Variants in DCPS observed in about 807,000 individuals in gnomAD.
DCPS encodes the protein decapping enzyme, scavenger.
DCPS carries 27 observed loss-of-function variants against 34.7 expected under a neutral mutation model. The ratio of observed to expected loss-of-function variants is 0.78; its 90% CI spans 0.57 to 1.07. The LOEUF (loss-of-function observed/expected upper bound fraction) is 1.07. Among genes scored for constraint, DCPS ranks in the 50% least tolerant of loss-of-function variants. DCPS has a pLI of 0.00. For synonymous variants in DCPS, 185 were observed against 185.7 expected, an observed-to-expected ratio of 1.00 and a Z score of 0.03; for missense variants, 464 against 436.9, an observed-to-expected ratio of 1.06 and a Z score of -0.55.
In DCPS at chr11:126,335,038, C is replaced by T. The variant is rs1177083139; in HGVS notation, c.523-3248C>T. ...TATATCATGTGCCTGCTATTGTTTC[C>T]AGCACAGAATGATGCCAGGATGGCA... On this transcript the variant is annotated intron_variant, in intron 3 of 5. Transcript: ENST00000263579. The surrounding 1 kb of genome is among the most constrained non-coding windows in gnomAD (Gnocchi z 4.8). Among the ~76,000 whole-genome samples the T allele has an allele frequency of 1.3e-5, 2 of 152,204 alleles. No homozygotes were observed. The highest frequency in any genetic ancestry group is 2.9e-5 in the Non-Finnish European group (2 of 68,044).
Position 126,347,613 on chromosome 11 carries a change from CAG to C in DCPS, c.*2004_*2005del, listed in dbSNP as rs560063146. Among the ~76,000 whole-genome samples the C allele has an allele frequency of 1.3e-5, 2 of 152,362 alleles. No individual in the cohort carries two copies. Among genetic ancestry groups the C allele is most frequent in the African/African-American group, 2.4e-5 (1 of 41,592 alleles). Reference sequence around the variant, plus strand: ...TAGTGACCAATGCAGGGAGGTCTGACAGAGAATCAGCAGGATCCATTTCATGG... The same window carrying C: ...TAGTGACCAATGCAGGGAGGTCTGACAGAATCAGCAGGATCCATTTCATGG... On this transcript the variant is annotated 3_prime_UTR_variant, in exon 6 of 6. Transcript: ENST00000263579. This position sits in a 1 kb window ranked among gnomAD's most constrained non-coding sequence, Gnocchi z 4.2.
rs1951688861 is a variant in DCPS at position 126,319,627 on chromosome 11, AT to A, written c.377-11774del. ...TGGACCTCACTTGCTCTGGCACCTC[AT>A]TTTGCCCTCTGGTTTCGCTGACAGC... is the stretch of plus-strand genomic sequence containing the variant. On this transcript the variant is annotated intron_variant, in intron 2 of 5. Coordinates refer to ENST00000263579, the MANE Select transcript of DCPS (RefSeq NM_014026.6). This position sits in a 1 kb window ranked among gnomAD's most constrained non-coding sequence, Gnocchi z 4.5. 6.6e-6 allele frequency among the ~76,000 whole-genome samples: 1 copy of A among 151,900 alleles called. No homozygotes were observed. Among genetic ancestry groups the A allele is most frequent in the African/African-American group, 2.4e-5 (1 of 41,378 alleles).
In DCPS at chr11:126,313,862, G is replaced by A. The variant is rs1010355747; in HGVS notation, c.376+7118G>A. ...ACATATTTTATATACATACACACCT[G>A]TGTTTTATATGTATAATGTATTTCC... On this transcript the variant is annotated intron_variant, in intron 2 of 5. Coordinates refer to ENST00000263579, the MANE Select transcript of DCPS (RefSeq NM_014026.6). The surrounding 1 kb of genome is among the most constrained non-coding windows in gnomAD (Gnocchi z 4.9). 2.0e-5 allele frequency among the ~76,000 whole-genome samples: 3 copies of A among 152,142 alleles called. No individual in the cohort carries two copies. The highest frequency in any genetic ancestry group is 4.8e-5 in the African/African-American group (2 of 41,432).
At chr11:126,306,428 GC>G (rs1951566403) in intron 1 of DCPS, 141 bp from the exon 2 acceptor site, 1 of 879,124 alleles carries the variant, frequency 1.1e-6, no homozygotes, top group African/African-American at 1.7e-5. Flanking sequence ...AGTGCCATTG[GC>G]TAGACTTCCC....
chr11:126,321,818 T>C (rs113185940), intron 2 of DCPS, among the ~76,000 whole-genome samples: 46 of 152,176 alleles, frequency 3.0e-4, no homozygotes, highest in African/African-American at 1.1e-3. Context: ...ATAAGGAATT[T>C]TATTAAAGCT....
Position 126,345,998 on chromosome 11 carries a change from C to T in DCPS, c.*385C>T, listed in dbSNP as rs1342546441. Among the ~76,000 whole-genome samples, 1 of 152,150 alleles carries T rather than the reference C, an allele frequency of 6.6e-6. No homozygotes were observed. The highest frequency in any genetic ancestry group is 6.5e-5 in the Admixed American group (1 of 15,276). On this transcript the variant is annotated 3_prime_UTR_variant, in exon 6 of 6. Transcript: ENST00000263579. This position sits in a 1 kb window ranked among gnomAD's most constrained non-coding sequence, Gnocchi z 7.4. Reference sequence around the variant, plus strand: ...AACTTCTTATTCTGCTCCTCCCCATCACCCCTCCTCCTTCCCCTGCCATCC... The same window carrying T: ...AACTTCTTATTCTGCTCCTCCCCATTACCCCTCCTCCTTCCCCTGCCATCC...
rs756132248 is a variant in DCPS at position 126,304,080 on chromosome 11, C to T, written c.-1C>T. 3.8e-6 allele frequency: 6 copies of T among 1,594,258 alleles called. No individual in the cohort carries two copies. The highest frequency in any genetic ancestry group is 1.8e-5 in the Admixed American group (1 of 56,770). On this transcript the variant is annotated 5_prime_UTR_variant, in exon 1 of 6. Transcript: ENST00000263579. The stretch of plus-strand genomic sequence containing the variant: ...CAGGCGCACACCGCCTCCGCGGCAG[C>T]ATGGCGGACGCAGCTCCTCAACTAG...
At chr11:126,310,511 G>A (rs993932682) in intron 2 of DCPS, among the ~76,000 whole-genome samples, 2 of 152,246 alleles carry the variant, frequency 1.3e-5, no homozygotes, top group African/African-American at 4.8e-5. Flanking sequence ...GGTGAAAAGA[G>A]GAGAGTTTGG....
In DCPS at chr11:126,338,208, T is replaced by A; in HGVS notation, c.523-78T>A. The A allele has an allele frequency of 7.3e-7, 1 of 1,363,996 alleles. No homozygotes were observed. The highest frequency in any genetic ancestry group is 1.0e-6 in the Non-Finnish European group (1 of 964,020). The allele number at this position is 1,363,996 out of a possible 1,614,324, so 84.5% of individuals were successfully genotyped here. A position where few individuals can be genotyped will look rare whatever the true frequency, so the allele number is the denominator to read the frequency against. ...TCTGTCTCCTGGAGAGGCCAGGGAA[T>A]GCCCTGAGCTCAGTTTGGGGTATCT... On this transcript the variant is annotated intron_variant, in intron 3 of 5. Transcript: ENST00000263579. The surrounding 1 kb of genome is among the most constrained non-coding windows in gnomAD (Gnocchi z 5.4).
chr11:126,309,024 C>CCTTTTT (rs1457988895), intron 2 of DCPS, among the ~76,000 whole-genome samples: 2 of 138,404 alleles, frequency 1.4e-5, no homozygotes, highest in Non-Finnish European at 3.1e-5. Flanking sequence ...TTTCCTGCCC[C>CCTTTTT]TTTTTTTTTT....
In DCPS at chr11:126,333,976, A is replaced by G. The variant is rs1395750735; in HGVS notation, c.522+2426A>G. On this transcript the variant is annotated intron_variant, in intron 3 of 5. Transcript: ENST00000263579. This position sits in a 1 kb window ranked among gnomAD's most constrained non-coding sequence, Gnocchi z 5.7. ...AAACGGTTTTAAGCATGTGGATGAT[A>G]TGGCCCGATTTGCAGAATTAATTGG... Among the ~76,000 whole-genome samples the G allele has an allele frequency of 6.6e-6, 1 of 152,156 alleles. No individual in the cohort carries two copies. Among genetic ancestry groups the G allele is most frequent in the Non-Finnish European group, 1.5e-5 (1 of 68,034 alleles).
rs537397377 is a variant in DCPS at position 126,345,816 on chromosome 11, T to G, written c.*203T>G. 15 of 735,224 alleles carry G rather than the reference T, an allele frequency of 2.0e-5. No homozygotes were observed. In the East Asian group the frequency reaches 4.2e-4, roughly 20 times the overall value. The allele number at this position is 735,224 out of a possible 1,614,324, so 45.5% of individuals were successfully genotyped here. ...GGGGACAGTGGGTGGGTAGAACCTG[T>G]GGGAAGGCCTTGAGAATGGTGGAAA... On this transcript the variant is annotated 3_prime_UTR_variant, in exon 6 of 6. Coordinates refer to ENST00000263579, the MANE Select transcript of DCPS (RefSeq NM_014026.6). The surrounding 1 kb of genome is among the most constrained non-coding windows in gnomAD (Gnocchi z 7.4).
In DCPS at chr11:126,346,196, G is replaced by C. The variant is rs898006478; in HGVS notation, c.*583G>C. ...GACGAGGATAGGGGCTTGGTGCCTG[G>C]AAATCGGCGGGTTTTAATAAGAATC... On this transcript the variant is annotated 3_prime_UTR_variant, in exon 6 of 6. Coordinates refer to ENST00000263579, the MANE Select transcript of DCPS (RefSeq NM_014026.6). The surrounding 1 kb of genome is among the most constrained non-coding windows in gnomAD (Gnocchi z 4.1). 6.6e-6 allele frequency among the ~76,000 whole-genome samples: 1 copy of C among 152,170 alleles called. No homozygotes were observed. The highest frequency in any genetic ancestry group is 2.4e-5 in the African/African-American group (1 of 41,426).
chr11:126,324,796 T>C (rs1412150307), intron 2 of DCPS, among the ~76,000 whole-genome samples: 2 of 152,014 alleles, frequency 1.3e-5, no homozygotes, highest in East Asian at 3.9e-4. Context: ...GTTTAACACA[T>C]AAGAGGAGAT....
rs1951879720 is a variant in DCPS at position 126,342,085 on chromosome 11, G to C, written c.637-1222G>C. 1 of 152,230 alleles carries C rather than the reference G, an allele frequency of 6.6e-6. No homozygotes were observed. The highest frequency in any genetic ancestry group is 1.5e-5 in the Non-Finnish European group (1 of 68,046). The allele number at this position is 152,230 out of a possible 1,614,324, so 9.4% of individuals were successfully genotyped here. A position where few individuals can be genotyped will look rare whatever the true frequency, so the allele number is the denominator to read the frequency against. ...TCTGGTAGCTCAGACTGCAGGGCAG[G>C]GCACTGCTGGGTTCTCCCCGTGCCT... On this transcript the variant is annotated intron_variant, in intron 4 of 5. Transcript: ENST00000263579. This position sits in a 1 kb window ranked among gnomAD's most constrained non-coding sequence, Gnocchi z 4.4.
At chr11:126,321,194 G>A (rs1565373986) in intron 2 of DCPS, among the ~76,000 whole-genome samples, 2 of 150,424 alleles carry the variant, frequency 1.3e-5, no homozygotes, top group African/African-American at 2.5e-5. Context: ...GGCAGAGGTT[G>A]CAGTGAGCCA....
rs1422725692 is a variant in DCPS, at chr11:126,335,700, C to T, written c.523-2586C>T. Among the ~76,000 whole-genome samples, 1 of 152,158 alleles carries T rather than the reference C, an allele frequency of 6.6e-6. No individual in the cohort carries two copies. Among genetic ancestry groups the T allele is most frequent in the Admixed American group, 6.5e-5 (1 of 15,274 alleles). On this transcript the variant is annotated intron_variant, in intron 3 of 5. Transcript: ENST00000263579. This position sits in a 1 kb window ranked among gnomAD's most constrained non-coding sequence, Gnocchi z 4.8. ...TCCCAGCACTTTGGGCCAAGGTGGGCAGTTCACTTGAGGTCAGGAGTTTGA... is the reference window on the plus strand; with the variant it reads ...TCCCAGCACTTTGGGCCAAGGTGGGTAGTTCACTTGAGGTCAGGAGTTTGA...
At chr11:126,324,629 CTTTTTTTTT>C (rs58091804) in intron 2 of DCPS, among the ~76,000 whole-genome samples, 19,092 of 100,130 alleles carry the variant, frequency 0.19, 1,797 homozygotes, top group South Asian at 0.33. Flanking sequence ...ATTTTTCTGC[CTTTTTTTTT>C]TTTTTTTTTT....
rs959226720 is a variant in DCPS, at chr11:126,322,760, T to C, written c.377-8645T>C. ...GGCGCGTGCCATCACGCCCAGCTAA[T>C]TTTTTTTATTTTTAGTAGAGACGGG... On this transcript the variant is annotated intron_variant, in intron 2 of 5. Coordinates refer to ENST00000263579, the MANE Select transcript of DCPS (RefSeq NM_014026.6). The surrounding 1 kb of genome is among the most constrained non-coding windows in gnomAD (Gnocchi z 4.2). 6.6e-6 allele frequency among the ~76,000 whole-genome samples: 1 copy of C among 151,822 alleles called. No homozygotes were observed. The highest frequency in any genetic ancestry group is 2.4e-5 in the African/African-American group (1 of 41,306).
Sources: gnomAD v4.1 joint callset for allele counts (sites outside exome capture counted in the v4.1 genomes callset) on GRCh38, gnomAD v4.1.1 for gene constraint, Gnocchi (gnomAD v3.1) non-coding constraint, MANE v1.5 for transcripts, NCBI Gene and HGNC (gene_info 2026-07-23, HGNC 2026-07-21) for gene names.